TAB3: variants seen among roughly 807,000 people sequenced by gnomAD.
The protein encoded by TAB3 is TGF-beta-activated kinase 1 and MAP3K7-binding protein 3.
In TAB3, 18 loss-of-function variants were observed where a neutral mutation model predicts 48.1. The ratio of observed to expected loss-of-function variants is 0.37; its 90% CI spans 0.26 to 0.55. The LOEUF is 0.55. TAB3 is among the 20% of genes least tolerant of loss of function. TAB3 has a pLI of 0.78. For missense variants in TAB3, 414 were observed against 549.8 expected, an observed-to-expected ratio of 0.75 and a Z score of 2.47; for synonymous variants, 185 against 190.2, an observed-to-expected ratio of 0.97 and a Z score of 0.22.
chrX:30,839,938 ATATATAAT>A (rs1478990304), intron 9 of TAB3, among the ~76,000 whole-genome samples: 2 of 65,063 alleles, frequency 3.1e-5, no homozygotes, highest in East Asian at 4.9e-4. Flanking sequence ...ATATATATAT[ATATATAAT>A]ATATATTAAA....
intron 9 of TAB3, 106 bp downstream of exon 9, chrX:30,842,860 A>G (rs933650233): frequency 4.1e-6 from 2 of 487,794 alleles, no homozygotes; most frequent in Admixed American, 4.6e-5. Flanking sequence ...TGGTAACTTT[A>G]TGCTGAACAA....
rs924569656 is a variant in TAB3 at position 30,831,502 on chromosome X, A to G, written c.2064T>C (p.Asn688=). Residue 688 remains asparagine, a synonymous_variant, in exon 11 of 11, where the codon AAT becomes AAC. Transcript: ENST00000288422. ...GGTTAAGAAAGGTGCAGCTATCACA[A>G]TTCCATGGAGCCCCTTCGTAGTCTT... ...RDEDYEGAPW[N]CDSCTFLNHP... The G allele has an allele frequency of 4.1e-6, 5 of 1,209,240 alleles. No homozygotes were observed. Among genetic ancestry groups the G allele is most frequent in the Non-Finnish European group, 4.5e-6 (4 of 895,047 alleles).
rs762372108 is a variant in TAB3 at position 30,830,609 on chromosome X, T to C, written c.*818A>G. On this transcript the variant is annotated 3_prime_UTR_variant, in exon 11 of 11. Transcript: ENST00000288422. ...AGAATATCATTTATAAAATCATACTTTGTAAGGACTTGTTATTTTGAAAAC... is the reference window on the plus strand; with the variant it reads ...AGAATATCATTTATAAAATCATACTCTGTAAGGACTTGTTATTTTGAAAAC... 3 of 112,234 alleles carry C rather than the reference T, an allele frequency of 2.7e-5. No homozygotes were observed. Among genetic ancestry groups the C allele is most frequent in the Non-Finnish European group, 5.6e-5 (3 of 53,198 alleles). The allele number at this position is 112,234 out of a possible 1,213,427, so 9.2% of individuals were successfully genotyped here. A position where few individuals can be genotyped will look rare whatever the true frequency, so the allele number is the denominator to read the frequency against.
chrX:30,877,386 T>C (rs1939872449), intron 1 of TAB3, among the ~76,000 whole-genome samples: 2 of 112,261 alleles, frequency 1.8e-5, no homozygotes, highest in African/African-American at 6.5e-5. Flanking sequence ...TGAAGACCCA[T>C]GAAGTTCAAA....
rs1938911994 is a variant in TAB3, at chrX:30,852,920, C to T, written c.1568G>A (p.Arg523Gln). ...CTTTGCTAACCTCTCCATCCTTGCT[C>T]GTTGATGTAACAGCAAGGCTACAGC... ...AYTQALLLHQ[R>Q]ARMERLAKQL... is the part of the protein sequence containing the mutation. Residue 523 changes from arginine to glutamine, a missense_variant, in exon 7 of 11, where the codon CGA becomes CAA. Physicochemically the swap from Arg to Gln is conservative, Grantham distance 43. Coordinates refer to ENST00000288422, the MANE Select transcript of TAB3 (RefSeq NM_152787.5). The T allele has an allele frequency of 8.3e-7, 1 of 1,210,541 alleles. No individual in the cohort carries two copies. The highest frequency in any genetic ancestry group is 1.7e-5 in the African/African-American group (1 of 57,765).
At chrX:30,878,203 C>T (rs5972255) in intron 1 of TAB3, among the ~76,000 whole-genome samples, 34,547 of 110,805 alleles carry the variant, frequency 0.31, 4,391 homozygotes, top group African/African-American at 0.47. Flanking sequence ...TATTAAGACA[C>T]CTCTTGGCTG....
At chrX:30,846,438 A>C in intron 8 of TAB3, 113 bp downstream of exon 8, 2 of 503,225 alleles carry the variant, frequency 4.0e-6, no homozygotes, top group Non-Finnish European at 6.4e-6. Context: ...CCAGGATTGT[A>C]ATCTTACGGA....
intron 10 of TAB3, among the ~76,000 whole-genome samples, chrX:30,832,823 G>A (rs1938063866): frequency 9.0e-6 from 1 of 111,280 alleles, no homozygotes; most frequent in African/African-American, 3.3e-5. Context: ...TTCAACTATT[G>A]CTTTTTAACT....
intron 10 of TAB3, among the ~76,000 whole-genome samples, chrX:30,832,461 G>T (rs1379859533): frequency 8.9e-6 from 1 of 111,733 alleles, no homozygotes; most frequent in Non-Finnish European, 1.9e-5. Flanking sequence ...TGGAATCTGG[G>T]GTAACTGGAA....
At chrX:30,853,280 T>C (rs750824213) in intron 6 of TAB3, among the ~76,000 whole-genome samples, 1 of 112,778 alleles carries the variant, frequency 8.9e-6, no homozygotes, top group Non-Finnish European at 1.9e-5. Flanking sequence ...TGAAACAATC[T>C]GAATAGACTT....
rs764679564 is a variant in TAB3 at position 30,828,734 on chromosome X, C to A, written c.*2693G>T. 1 of 111,910 alleles carries A rather than the reference C, an allele frequency of 8.9e-6. No individual in the cohort carries two copies. Among genetic ancestry groups the A allele is most frequent in the Admixed American group, 9.5e-5 (1 of 10,524 alleles). The allele number at this position is 111,910 out of a possible 1,213,427, so 9.2% of individuals were successfully genotyped here. Reference sequence around the variant, plus strand: ...CTAGTCATTTTAAAGAAACCTCTTACAAGAAACAAGAAGTGCACCAGCTGA... The same window carrying A: ...CTAGTCATTTTAAAGAAACCTCTTAAAAGAAACAAGAAGTGCACCAGCTGA... On this transcript the variant is annotated 3_prime_UTR_variant, in exon 11 of 11. Coordinates refer to ENST00000288422, the MANE Select transcript of TAB3 (RefSeq NM_152787.5).
chrX:30,842,461 A>G (rs1291159791), intron 9 of TAB3, among the ~76,000 whole-genome samples: 1 of 112,214 alleles, frequency 8.9e-6, no homozygotes, highest in African/African-American at 3.2e-5. Flanking sequence ...ACTATGTAAT[A>G]TAGTGTTTCA....
At chrX:30,840,284 T>C (rs1938394857) in intron 9 of TAB3, among the ~76,000 whole-genome samples, 1 of 111,492 alleles carries the variant, frequency 9.0e-6, no homozygotes, top group Non-Finnish European at 1.9e-5. Flanking sequence ...TTTACTTTGT[T>C]CTTGTCTTGT....
chrX:30,850,950 G>A (rs1938823232), intron 7 of TAB3, among the ~76,000 whole-genome samples: 1 of 111,284 alleles, frequency 9.0e-6, no homozygotes, highest in Admixed American at 9.5e-5. Flanking sequence ...AAGAAAATTT[G>A]TTTATGCTCT....
At position 30,868,586 on chromosome X, in the gene TAB3, T is replaced by TAG. The variant is rs1306064666; in HGVS notation, c.-279-1039_-279-1038dup. 2.2e-3 allele frequency among the ~76,000 whole-genome samples: 19 copies of TAG among 8,750 alleles called. 2 individuals carry two copies. Among genetic ancestry groups the TAG allele is most frequent in the Admixed American group, 0.015 (9 of 606 alleles). The allele number at this position is 8,750 out of a possible 115,157, so 7.6% of individuals were successfully genotyped here. A position where few individuals can be genotyped will look rare whatever the true frequency, so the allele number is the denominator to read the frequency against. ...TATAGCTTATATATATATATATATATAGAGAGAGAGAGAGAGAGAGAGAGA... is the reference window on the plus strand; with the variant it reads ...TATAGCTTATATATATATATATATATAGAGAGAGAGAGAGAGAGAGAGAGAGA... On this transcript the variant is annotated intron_variant, in intron 2 of 10. Transcript: ENST00000288422.
chrX:30,849,171 TCA>T (rs1055337155), intron 7 of TAB3, among the ~76,000 whole-genome samples: 9 of 112,297 alleles, frequency 8.0e-5, no homozygotes, highest in African/African-American at 2.9e-4. Context: ...ACATATAGAC[TCA>T]CAGATATACC....
chrX:30,873,338 C>CCATCCTGGCTAA (rs1939718790), intron 1 of TAB3, among the ~76,000 whole-genome samples: 1 of 108,287 alleles, frequency 9.2e-6, no homozygotes, highest in African/African-American at 3.4e-5. Context: ...GAGATCGAGA[C>CCATCCTGGCTAA]CACGGTGAAA....
chrX:30,845,437 C>T (rs983307834), intron 8 of TAB3: 1 of 112,017 alleles, frequency 8.9e-6, no homozygotes, highest in Non-Finnish European at 1.9e-5. Context: ...GGTTGGCAAA[C>T]CTTTTCTGTC....
intron 1 of TAB3, among the ~76,000 whole-genome samples, chrX:30,879,501 T>G (rs1022933510): frequency 3.6e-5 from 4 of 112,230 alleles, no homozygotes; most frequent in Non-Finnish European, 5.6e-5. Flanking sequence ...TTGAGGAATA[T>G]CCTATGGTTA....
Sources: allele counts gnomAD v4.1 joint callset (sites outside exome capture counted in the v4.1 genomes callset), GRCh38; gene constraint gnomAD v4.1.1; transcripts MANE v1.5; gene names NCBI Gene and HGNC (gene_info 2026-07-23, HGNC 2026-07-21).